Variants in RAD50 observed in about 807,000 individuals in gnomAD.
RAD50 encodes the protein DNA repair protein RAD50.
Under a neutral mutation model 168.8 loss-of-function variants are expected in RAD50, and 132 were observed. The ratio of observed to expected loss-of-function variants is 0.78; its 90% CI spans 0.68 to 0.90. The LOEUF (loss-of-function observed/expected upper bound fraction) is 0.90, where lower values mean the gene tolerates loss of function less well. Among genes scored for constraint, RAD50 ranks in the 40% least tolerant of loss-of-function variants. The pLI is 0.00. For synonymous variants in RAD50, 525 were observed against 497.4 expected (o/e 1.06, Z -0.74); for missense variants, 1,347 against 1,534.4 (o/e 0.88, Z 2.04).
In RAD50 at chr5:132,556,986, G is replaced by T. The variant is rs1007082453; in HGVS notation, c.-339G>T. ...GCGGGCCTAGAGGCCCACGTGATCC[G>T]CAGGGCGGCCGAGGCAGGAAGCTGT... On this transcript the variant is annotated 5_prime_UTR_variant, in exon 1 of 25. Transcript: ENST00000378823. 6.7e-6 allele frequency: 6 copies of T among 888,976 alleles called. No individual in the cohort carries two copies. The Admixed American group carries it at 1.7e-4, about 25-fold the overall frequency. The allele number at this position is 888,976 out of a possible 1,614,324, so 55.1% of individuals were successfully genotyped here. A position where few individuals can be genotyped will look rare whatever the true frequency, so the allele number is the denominator to read the frequency against.
intron 21 of RAD50, among the ~76,000 whole-genome samples, chr5:132,619,815 CCTCT>C (rs58174018): frequency 0.029 from 3,435 of 118,230 alleles, 235 homozygotes; most frequent in African/African-American, 0.12. Flanking sequence ...TCTCTCTACT[CCTCT>C]CTCTCTCTCT....
chr5:132,606,116 A>C (rs1476584110), intron 16 of RAD50, among the ~76,000 whole-genome samples: 1 of 152,184 alleles, frequency 6.6e-6, no homozygotes, highest in Non-Finnish European at 1.5e-5. Context: ...AGAAGACAAG[A>C]AATAACTAAG....
chr5:132,563,932 C>T (rs543882531), intron 2 of RAD50, among the ~76,000 whole-genome samples: 4 of 152,170 alleles, frequency 2.6e-5, no homozygotes, highest in Non-Finnish European at 4.4e-5. Context: ...CTGTTCTGGC[C>T]GTGTAAGATG....
chr5:132,618,075 A>T lies in RAD50; in HGVS notation c.3170A>T (p.His1057Leu). The T allele has an allele frequency of 6.2e-7, 1 of 1,612,828 alleles. No homozygotes were observed. Among genetic ancestry groups the T allele is most frequent in the East Asian group, 2.2e-5 (1 of 44,792 alleles). ...GTCATTTTTCTTTTTTACAGTGAAC[A>T]TCAGAAGTTGGAAGAGAACATAGAC... Reference protein sequence around the residue: ...QMQVLQMKSEHQKLEENIDNI... With the variant: ...QMQVLQMKSELQKLEENIDNI... The change falls in exon 21 of 25, where the codon CAT (histidine) becomes CTT (leucine). Residue 1057 changes from histidine (H) to leucine (L), a missense_variant. This residue lies in a region of RAD50 where 635 missense variants were observed against 739.2 expected (regional missense o/e 0.86). Transcript: ENST00000378823.
intron 21 of RAD50, among the ~76,000 whole-genome samples, chr5:132,629,420 A>G (rs1045294374): frequency 2.0e-5 from 3 of 152,166 alleles, no homozygotes; most frequent in Non-Finnish European, 2.9e-5. Flanking sequence ...ATGAGGACCT[A>G]TGAGGGAGCT....
chr5:132,584,887 T>A (rs936467233), intron 5 of RAD50, among the ~76,000 whole-genome samples: 1 of 136,280 alleles, frequency 7.3e-6, no homozygotes, highest in South Asian at 2.2e-4. Flanking sequence ...TAGGTGGGAA[T>A]TGAACAATGA....
chr5:132,565,378 A>G lies in RAD50; in HGVS notation c.213+6011A>G, dbSNP rs146748549. On this transcript the variant is annotated intron_variant, in intron 2 of 24. Coordinates refer to ENST00000378823, the MANE Select transcript of RAD50 (RefSeq NM_005732.4). ...TAATCAATCCTCCTGTATGTAATCA[A>G]TGTCTCATCGTTGCATCAGGGCCCT... Among the ~76,000 whole-genome samples, 262 of 152,214 alleles carry G rather than the reference A, an allele frequency of 1.7e-3. 2 individuals carry two copies. The highest frequency in any genetic ancestry group is 6.2e-3 in the African/African-American group (256 of 41,538).
intron 12 of RAD50, 57 bp from the exon 13 acceptor site, chr5:132,595,516 A>T: frequency 8.8e-7 from 1 of 1,131,514 alleles, no homozygotes; most frequent in Non-Finnish European, 1.3e-6. Context: ...CCGTATTCAG[A>T]ATACTGTATT....
At chr5:132,598,495 A>C (rs529231750) in intron 13 of RAD50, among the ~76,000 whole-genome samples, 10 of 152,192 alleles carry the variant, frequency 6.6e-5, no homozygotes, top group Non-Finnish European at 1.5e-4. Context: ...AACAAACCTC[A>C]AATCTGTCTC....
intron 3 of RAD50, among the ~76,000 whole-genome samples, chr5:132,577,778 C>T (rs1750423990): frequency 6.6e-6 from 1 of 150,772 alleles, no homozygotes. Flanking sequence ...GACCCATTTA[C>T]CCAGACCTAT....
Position 132,575,925 on chromosome 5 carries a change from C to A in RAD50, c.362C>A (p.Thr121Lys). The change falls in exon 3 of 25, where the codon ACA (threonine) becomes AAA (lysine). Residue 121 changes from threonine (T) to lysine (K), a missense_variant. Physicochemically the swap from Thr to Lys is moderately conservative, Grantham distance 78 (BLOSUM62 -1). Coordinates refer to ENST00000378823, the MANE Select transcript of RAD50 (RefSeq NM_005732.4). ...FKTLEGVITR[T>K]KHGEKVSLSS... Reference sequence around the variant, plus strand: ...ACTCTGGAAGGAGTCATTACTAGAACAAAGTAGGTGTTTATATGATATTTG... The same window carrying A: ...ACTCTGGAAGGAGTCATTACTAGAAAAAAGTAGGTGTTTATATGATATTTG... 1 of 1,607,248 alleles carries A rather than the reference C, an allele frequency of 6.2e-7. No homozygotes were observed. The highest frequency in any genetic ancestry group is 8.5e-7 in the Non-Finnish European group (1 of 1,174,442).
At chr5:132,589,897 G>T in intron 9 of RAD50, 60 bp downstream of exon 9, 9 of 1,425,358 alleles carry the variant, frequency 6.3e-6, no homozygotes, top group Non-Finnish European at 8.7e-6. Flanking sequence ...GAAGTATTTT[G>T]TCTATTTTTG....
At chr5:132,641,403 A>G (rs1751717816) in intron 24 of RAD50, among the ~76,000 whole-genome samples, 1 of 152,168 alleles carries the variant, frequency 6.6e-6, no homozygotes, top group Non-Finnish European at 1.5e-5. Context: ...CCTGAGGTCA[A>G]AGGAGGTGTT....
chr5:132,584,302 C>G (rs1326540090), intron 5 of RAD50, among the ~76,000 whole-genome samples: 1 of 152,172 alleles, frequency 6.6e-6, no homozygotes, highest in Non-Finnish European at 1.5e-5. Context: ...CTGCATAAAT[C>G]TCTTCTTTTG....
At chr5:132,638,035 G>C in intron 22 of RAD50, 46 bp from the exon 23 acceptor site, 3 of 1,595,598 alleles carry the variant, frequency 1.9e-6, no homozygotes, top group Non-Finnish European at 2.6e-6. Flanking sequence ...ATGACAAAAG[G>C]CTACAGAGCA....
intron 2 of RAD50, among the ~76,000 whole-genome samples, chr5:132,566,186 CA>C (rs1365000936): frequency 6.6e-6 from 1 of 152,116 alleles, no homozygotes; most frequent in African/African-American, 2.4e-5. Flanking sequence ...AGAGTGTCAA[CA>C]ACAATGTAGT....
chr5:132,570,877 A>G (rs1018615324), intron 2 of RAD50, among the ~76,000 whole-genome samples: 2 of 152,198 alleles, frequency 1.3e-5, no homozygotes, highest in Non-Finnish European at 2.9e-5. Context: ...GCTTTTCTCA[A>G]CTAAGCTTAA....
At chr5:132,565,230 G>T (rs946692113) in intron 2 of RAD50, among the ~76,000 whole-genome samples, 2 of 152,018 alleles carry the variant, frequency 1.3e-5, no homozygotes, top group Non-Finnish European at 2.9e-5. Flanking sequence ...CTTGCTTCCT[G>T]TATAGCATGT....
Position 132,557,248 on chromosome 5 carries a change from C to G in RAD50, c.-77C>G, listed in dbSNP as rs982068141. 85 of 1,566,928 alleles carry G rather than the reference C, an allele frequency of 5.4e-5. No homozygotes were observed. The highest frequency in any genetic ancestry group is 1.3e-4 in the Admixed American group (8 of 59,884). On this transcript the variant is annotated 5_prime_UTR_variant, in exon 1 of 25. Coordinates refer to ENST00000378823, the MANE Select transcript of RAD50 (RefSeq NM_005732.4). ...CCTGAGATTCGCGGGTCTCACGTCC[C>G]GTGCACGCCTTGCTTCGGCCTCAGT...
Sources: gnomAD v4.1 joint callset for allele counts (sites outside exome capture counted in the v4.1 genomes callset) on GRCh38, gnomAD v4.1.1 for gene constraint, gnomAD v4.1.1 regional missense constraint, MANE v1.5 for transcripts, NCBI Gene and HGNC (gene_info 2026-07-23, HGNC 2026-07-21) for gene names.